The following MTHFD2L variants were observed in gnomAD, a reference collection of about 807,000 sequenced individuals.
MTHFD2L encodes the protein bifunctional methylenetetrahydrofolate dehydrogenase/cyclohydrolase 2, mitochondrial.
In MTHFD2L, 29 loss-of-function variants were observed where a neutral mutation model predicts 34.9. That is an observed-to-expected ratio of 0.83 (90% CI 0.62 to 1.13). MTHFD2L has a LOEUF of 1.13. Ranked by LOEUF, MTHFD2L falls within the 50% of genes most tolerant of loss-of-function variation. The pLI is 0.00. For missense variants in MTHFD2L, 481 were observed against 446.5 expected (o/e 1.08, Z -0.70); for synonymous variants, 167 against 155.7 (o/e 1.07, Z -0.54).
At chr4:74,160,974 A>G (rs934672118) in intron 1 of MTHFD2L, 1 of 152,232 alleles carries the variant, frequency 6.6e-6, no homozygotes, top group Admixed American at 6.5e-5. Flanking sequence ...GGATATCCCA[A>G]GCATTCCATG....
chr4:74,281,593 A>G (rs779771894), intron 7 of MTHFD2L, 43 bp downstream of exon 7: 1 of 1,561,304 alleles, frequency 6.4e-7, no homozygotes, highest in Non-Finnish European at 8.6e-7. Context: ...AGATAAAAAA[A>G]TTCCACCTTA....
At chr4:74,143,969 T>C (rs1293605294) in intron 1 of MTHFD2L, among the ~76,000 whole-genome samples, 2 of 152,130 alleles carry the variant, frequency 1.3e-5, no homozygotes, top group East Asian at 1.9e-4. Flanking sequence ...AAGGTAGCAA[T>C]TGGAAAAGAC....
chr4:74,300,147 T>C (rs1750115372), intron 7 of MTHFD2L, among the ~76,000 whole-genome samples: 1 of 152,060 alleles, frequency 6.6e-6, no homozygotes, highest in Non-Finnish European at 1.5e-5. Context: ...GTGCTTTCTG[T>C]ATAGAGACGC....
At chr4:74,207,120 G>A (rs1052503357) in intron 5 of MTHFD2L, among the ~76,000 whole-genome samples, 2 of 151,824 alleles carry the variant, frequency 1.3e-5, no homozygotes, top group Non-Finnish European at 2.9e-5. Context: ...GGCTGGTCTC[G>A]AACTCCTGAG....
At chr4:74,249,037 G>C (rs1382449150) in intron 6 of MTHFD2L, among the ~76,000 whole-genome samples, 1 of 152,170 alleles carries the variant, frequency 6.6e-6, no homozygotes, top group Admixed American at 6.5e-5. Flanking sequence ...GGGTATCCTT[G>C]TTAACTTTCT....
intron 3 of MTHFD2L, among the ~76,000 whole-genome samples, chr4:74,180,431 A>C (rs370921462): frequency 1.3e-5 from 2 of 152,148 alleles, no homozygotes; most frequent in East Asian, 1.9e-4. Context: ...TAATTTGGTT[A>C]GTAAATGTGT....
intron 6 of MTHFD2L, among the ~76,000 whole-genome samples, chr4:74,260,490 C>T (rs111667186): frequency 3.3e-5 from 5 of 152,048 alleles, no homozygotes; most frequent in African/African-American, 1.2e-4. Context: ...CCAAATTTGG[C>T]CCAAACAGTA....
upstream of MTHFD2L, among the ~76,000 whole-genome samples, chr4:74,154,484 T>G (rs1447698685): frequency 1.3e-5 from 2 of 152,156 alleles, no homozygotes; most frequent in African/African-American, 4.8e-5. Flanking sequence ...ACATATTTAT[T>G]TATATGATTA....
chr4:74,199,682 C>A (rs1734077230), intron 3 of MTHFD2L, 112 bp from the exon 4 acceptor site: 8 of 911,234 alleles, frequency 8.8e-6, no homozygotes, highest in South Asian at 1.9e-5. Context: ...GACTTTACAC[C>A]TTTTTTAGAG....
intron 6 of MTHFD2L, among the ~76,000 whole-genome samples, chr4:74,227,668 G>T (rs1425607943): frequency 6.6e-6 from 1 of 152,168 alleles, no homozygotes; most frequent in East Asian, 1.9e-4. Context: ...TGGGAAGGTA[G>T]CCAGGGTTAA....
chr4:74,167,984 T>G (rs1315201959), intron 1 of MTHFD2L, among the ~76,000 whole-genome samples: 1 of 152,156 alleles, frequency 6.6e-6, no homozygotes, highest in Non-Finnish European at 1.5e-5. Flanking sequence ...AGAATCAGAC[T>G]ACTTAGCACC....
intron 1 of MTHFD2L, 150 bp downstream of exon 1, chr4:74,158,431 C>A: frequency 1.9e-6 from 1 of 531,906 alleles, no homozygotes; most frequent in Non-Finnish European, 2.4e-6. Context: ...GTGAGGTGGC[C>A]TTGCCGGTCG....
At chr4:74,226,460 A>ATATATG (rs1478326294) in intron 6 of MTHFD2L, among the ~76,000 whole-genome samples, 1 of 152,180 alleles carries the variant, frequency 6.6e-6, no homozygotes, top group Non-Finnish European at 1.5e-5. Flanking sequence ...GCTTTATGGA[A>ATATATG]TATATGTATA....
intron 6 of MTHFD2L, among the ~76,000 whole-genome samples, chr4:74,263,478 T>A (rs1744926377): frequency 6.6e-6 from 1 of 152,092 alleles, no homozygotes; most frequent in African/African-American, 2.4e-5. Context: ...TTTTTCCATT[T>A]TTTTTGTGTC....
chr4:74,159,079 G>A (rs566202735), intron 1 of MTHFD2L, among the ~76,000 whole-genome samples: 1 of 152,116 alleles, frequency 6.6e-6, no homozygotes, highest in African/African-American at 2.4e-5. Context: ...TTTTGTATCC[G>A]CCAGTGCCCA....
intron 1 of MTHFD2L, among the ~76,000 whole-genome samples, chr4:74,131,461 C>T (rs1336933866): frequency 6.6e-6 from 1 of 151,720 alleles, no homozygotes; most frequent in Admixed American, 6.6e-5. Flanking sequence ...CTTTGACAAA[C>T]GATAAAAATA....
At chr4:74,204,753 G>A (rs1403746566) in intron 5 of MTHFD2L, among the ~76,000 whole-genome samples, 1 of 151,842 alleles carries the variant, frequency 6.6e-6, no homozygotes, top group South Asian at 2.1e-4. Context: ...TTTAAACTAG[G>A]TTATCCTGTG....
chr4:74,143,457 G>C (rs955733860), intron 1 of MTHFD2L: 2 of 985,034 alleles, frequency 2.0e-6, no homozygotes, highest in Non-Finnish European at 2.4e-6. Flanking sequence ...AGTTTGGAAG[G>C]GTCCTAGAGG....
chr4:74,149,920 A>T (rs1255569526), intron 1 of MTHFD2L, among the ~76,000 whole-genome samples: 1 of 152,242 alleles, frequency 6.6e-6, no homozygotes, highest in Non-Finnish European at 1.5e-5. Context: ...TATGGATATT[A>T]TCTTGAATTA....
Sources: allele counts gnomAD v4.1 joint callset (sites outside exome capture counted in the v4.1 genomes callset), GRCh38; gene constraint gnomAD v4.1.1; transcripts MANE v1.5; gene names NCBI Gene and HGNC (gene_info 2026-07-23, HGNC 2026-07-21).